Variants in TMPRSS4 observed in about 807,000 individuals in gnomAD.
The protein encoded by TMPRSS4 is transmembrane serine protease 4, also known as transmembrane protease serine 4.
In TMPRSS4, 45 loss-of-function variants were observed where a neutral mutation model predicts 56.4. The ratio of observed to expected loss-of-function variants is 0.80; its 90% confidence interval spans 0.63 to 1.02. The LOEUF (loss-of-function observed/expected upper bound fraction) is 1.02. TMPRSS4 is among the 50% of genes least tolerant of loss of function. TMPRSS4 has a pLI of 0.00. For missense variants in TMPRSS4, 546 were observed against 556.7 expected (o/e 0.98, Z 0.19); for synonymous variants, 205 against 211.0 (o/e 0.97, Z 0.25).
At chr11:118,081,419 G>C (rs567570637) in intron 1 of TMPRSS4, among the ~76,000 whole-genome samples, 1 of 152,198 alleles carries the variant, frequency 6.6e-6, no homozygotes, top group Non-Finnish European at 1.5e-5. Context: ...TAACCAGCAC[G>C]TCGGCAGCTG....
chr11:118,102,915 C>A, intron 3 of TMPRSS4, 186 bp from the exon 4 acceptor site: 1 of 698,618 alleles, frequency 1.4e-6, no homozygotes, highest in South Asian at 1.9e-5. Flanking sequence ...GTGTTACTAT[C>A]TCCACTTTAC....
intron 11 of TMPRSS4, 90 bp from the exon 12 acceptor site, chr11:118,117,215 G>A: frequency 7.6e-7 from 1 of 1,319,162 alleles, no homozygotes; most frequent in Non-Finnish European, 1.1e-6. Flanking sequence ...GAGTGCAGGG[G>A]AACAGATAGG....
chr11:118,108,629 A>G (rs75410371), intron 6 of TMPRSS4: 17,455 of 557,640 alleles, frequency 0.031, 993 homozygotes, highest in African/African-American at 0.15. Flanking sequence ...AGGGCCCAGC[A>G]CACAGTAGGT....
chr11:118,097,067 G>GAAAGGAA (rs369131999), intron 2 of TMPRSS4, among the ~76,000 whole-genome samples: 1 of 151,294 alleles, frequency 6.6e-6, no homozygotes, highest in Non-Finnish European at 1.5e-5. Flanking sequence ...GAAAGGAAAG[G>GAAAGGAA]AGGTAGTAGA....
At chr11:118,094,135 T>A (rs149221444) in intron 1 of TMPRSS4, among the ~76,000 whole-genome samples, 3 of 152,332 alleles carry the variant, frequency 2.0e-5, no homozygotes, top group African/African-American at 7.2e-5. Flanking sequence ...TGTACTCATT[T>A]CTCTTGGCTC....
chr11:118,102,914 T>C (rs962660992), intron 3 of TMPRSS4, 187 bp from the exon 4 acceptor site: 1 of 692,584 alleles, frequency 1.4e-6, no homozygotes, highest in Non-Finnish European at 2.4e-6. Context: ...GGTGTTACTA[T>C]CTCCACTTTA....
chr11:118,091,626 G>A (rs1945971912), intron 1 of TMPRSS4, among the ~76,000 whole-genome samples: 1 of 151,988 alleles, frequency 6.6e-6, no homozygotes, highest in Non-Finnish European at 1.5e-5. Context: ...ATCTGTCTTT[G>A]AATCCTCCTG....
At chr11:118,104,316 G>A (rs563403460) in intron 4 of TMPRSS4, among the ~76,000 whole-genome samples, 132 of 152,312 alleles carry the variant, frequency 8.7e-4, no homozygotes, top group African/African-American at 2.6e-3. Context: ...GGCAAGTTGT[G>A]TGGACCATGG....
In TMPRSS4 at chr11:118,118,017, C is replaced by T; in HGVS notation, c.*104C>T. On this transcript the variant is annotated 3_prime_UTR_variant, in exon 13 of 13. Coordinates refer to ENST00000437212, the MANE Select transcript of TMPRSS4 (RefSeq NM_019894.4). Reference sequence around the variant, plus strand: ...GAGCAAGAGTCCCCTTGGGTACACCCCTCTGCCCACAGCCTCAGCATTTCT... The same window carrying T: ...GAGCAAGAGTCCCCTTGGGTACACCTCTCTGCCCACAGCCTCAGCATTTCT... 1 of 1,597,402 alleles carries T rather than the reference C, an allele frequency of 6.3e-7. No individual in the cohort carries two copies. Among genetic ancestry groups the T allele is most frequent in the Non-Finnish European group, 8.5e-7 (1 of 1,175,084 alleles).
At chr11:118,084,443 G>A (rs1039843727) in intron 1 of TMPRSS4, among the ~76,000 whole-genome samples, 1 of 152,216 alleles carries the variant, frequency 6.6e-6, no homozygotes, top group Non-Finnish European at 1.5e-5. Context: ...CACTATTAAA[G>A]CACTATTTAT....
intron 1 of TMPRSS4, among the ~76,000 whole-genome samples, chr11:118,082,919 A>G (rs953136429): frequency 8.5e-5 from 13 of 152,234 alleles, no homozygotes; most frequent in Admixed American, 5.9e-4. Context: ...CCCCAAGCGT[A>G]CTTTGACCTC....
intron 3 of TMPRSS4, among the ~76,000 whole-genome samples, chr11:118,102,430 G>C (rs73012879): frequency 6.6e-6 from 1 of 152,318 alleles, no homozygotes; most frequent in African/African-American, 2.4e-5. Flanking sequence ...CAGTAAGGCC[G>C]AGTGCGGTGG....
chr11:118,108,404 G>T, intron 6 of TMPRSS4: 1 of 169,500 alleles, frequency 5.9e-6, no homozygotes. Context: ...GAGGAGGCTG[G>T]CTTCCTAGCA....
intron 3 of TMPRSS4, among the ~76,000 whole-genome samples, chr11:118,099,400 A>G (rs552181577): frequency 6.6e-6 from 1 of 151,734 alleles, no homozygotes; most frequent in African/African-American, 2.4e-5. Flanking sequence ...CATTGGTATA[A>G]TAAAAGGAAT....
intron 3 of TMPRSS4, chr11:118,102,892 G>A: frequency 3.4e-6 from 2 of 595,888 alleles, no homozygotes; most frequent in Admixed American, 3.0e-5. Context: ...GACATCTTGT[G>A]GGGGTGGGGC....
At chr11:118,104,560 GA>G in intron 4 of TMPRSS4, 130 bp from the exon 5 acceptor site, 1 of 1,402,598 alleles carries the variant, frequency 7.1e-7, no homozygotes, top group East Asian at 2.4e-5. Flanking sequence ...CCTTGACATT[GA>G]AAGTGTTGGG....
Position 118,077,204 on chromosome 11 carries a change from C to G in TMPRSS4, c.-99C>G, listed in dbSNP as rs570728444. On this transcript the variant is annotated 5_prime_UTR_variant, in exon 1 of 13. Transcript: ENST00000437212. ...GTGCTGACCAGGGACTTCTGACCTG[C>G]TGGCCAGCCAGGACCTGTGTGGGGA... 5.3e-4 allele frequency: 795 copies of G among 1,508,500 alleles called. 4 individuals are homozygous for G. In the Middle Eastern group the frequency reaches 7.4e-3, roughly 14 times the overall value. 93.4% of individuals were successfully genotyped at this position (1,508,500 alleles called of 1,614,324 possible). A position where few individuals can be genotyped will look rare whatever the true frequency, so the allele number is the denominator to read the frequency against.
At chr11:118,099,802 G>C (rs1013362463) in intron 3 of TMPRSS4, among the ~76,000 whole-genome samples, 2 of 152,100 alleles carry the variant, frequency 1.3e-5, no homozygotes, top group African/African-American at 4.8e-5. Context: ...GACCCCCCAG[G>C]CAGTTGGCAC....
intron 3 of TMPRSS4, 101 bp from the exon 4 acceptor site, chr11:118,103,000 G>A: frequency 6.7e-7 from 1 of 1,482,032 alleles, no homozygotes; most frequent in Non-Finnish European, 9.2e-7. Flanking sequence ...ACTCACACAT[G>A]CGTGTCTGAG....
Sources: gnomAD v4.1 joint callset for allele counts (sites outside exome capture counted in the v4.1 genomes callset) on GRCh38, gnomAD v4.1.1 for gene constraint, MANE v1.5 for transcripts, NCBI Gene and HGNC (gene_info 2026-07-23, HGNC 2026-07-21) for gene names.